CELSR1: variants seen among roughly 807,000 people sequenced by gnomAD.
The protein encoded by CELSR1 is adhesion G protein-coupled receptor C1.
A neutral mutation model predicts 249.1 loss-of-function variants in CELSR1; 110 were observed. The ratio of observed to expected loss-of-function variants is 0.44; its 90% CI spans 0.38 to 0.52. The LOEUF is 0.52. Ranked by LOEUF, CELSR1 falls within the 20% of genes least tolerant of loss-of-function variation. The probability of loss-of-function intolerance (pLI) is 0.00; values close to 1 mark genes in which losing one functional copy is unlikely to be tolerated. For synonymous variants in CELSR1, 2,113 were observed against 1,900.0 expected, an observed-to-expected ratio of 1.11 and a Z score of -2.92; for missense variants, 4,109 against 4,296.4, an observed-to-expected ratio of 0.96 and a Z score of 1.22.
intron 5 of CELSR1, among the ~76,000 whole-genome samples, chr22:46,415,351 T>C (rs1210992608): frequency 6.6e-6 from 1 of 152,122 alleles, no homozygotes; most frequent in Non-Finnish European, 1.5e-5. Context: ...GGTTTCACCA[T>C]GATGGCCAGG....
At chr22:46,439,160 C>A (rs372725590) in intron 3 of CELSR1, 29 bp downstream of exon 3, 3 of 1,592,946 alleles carry the variant, frequency 1.9e-6, no homozygotes, top group African/African-American at 2.7e-5. Context: ...AAAGAGACCC[C>A]CGTGTGGCGC....
Position 46,402,211 on chromosome 22 carries a change from CTCTT to C in CELSR1, c.5227-2313_5227-2310del, listed in dbSNP as rs890720171. Among the ~76,000 whole-genome samples, 2 of 151,688 alleles carry C rather than the reference CTCTT, an allele frequency of 1.3e-5. No individual in the cohort carries two copies. Among genetic ancestry groups the C allele is most frequent in the African/African-American group, 4.8e-5 (2 of 41,318 alleles). On this transcript the variant is annotated intron_variant, in intron 9 of 34. Coordinates refer to ENST00000674500, the MANE Select transcript of CELSR1 (RefSeq NM_001378328.1). This position sits in a 1 kb window ranked among gnomAD's most constrained non-coding sequence, Gnocchi z 5.0. ...ATCCCCATCATCCCCATTCTAGTTTCTCTTTTTCTTTTTTTTTTTTTTGAGACAG... is the reference window on the plus strand; with the variant it reads ...ATCCCCATCATCCCCATTCTAGTTTCTTTCTTTTTTTTTTTTTTGAGACAG...
At position 46,464,279 on chromosome 22, in the gene CELSR1, G is replaced by C. The variant is rs779708806; in HGVS notation, c.3611C>G (p.Thr1204Ser). ...CTCCAGGCGGACAGTGATGCTGTTGGTCAGCATGTCGTCCGTGATGATGGT... is the reference window on the plus strand; with the variant it reads ...CTCCAGGCGGACAGTGATGCTGTTGCTCAGCATGTCGTCCGTGATGATGGT... ...RVTIITDDML[T>S]NSITVRLENM... Residue 1204 changes from threonine to serine, a missense_variant, in exon 2 of 35, where the codon ACC becomes AGC. Thr to Ser is a moderately conservative substitution (Grantham distance 58). This residue lies in a region of CELSR1 where 886 missense variants were observed against 896.5 expected (regional missense o/e 0.99). Transcript: ENST00000674500. This position sits in a 1 kb window ranked among gnomAD's most constrained non-coding sequence, Gnocchi z 8.5. 7 of 1,613,492 alleles carry C rather than the reference G, an allele frequency of 4.3e-6. No homozygotes were observed. In the East Asian group the frequency reaches 1.6e-4, roughly 36 times the overall value.
Position 46,366,429 on chromosome 22 carries a change from T to C in CELSR1, c.8257A>G (p.Thr2753Ala), listed in dbSNP as rs2078782530. Residue 2753 changes from threonine to alanine, a missense_variant, in exon 30 of 35, where the codon ACA (threonine) becomes GCA (alanine). Coordinates refer to ENST00000674500, the MANE Select transcript of CELSR1 (RefSeq NM_001378328.1). ...TFGDGPDMLR[T>A]DLGESTASLD... is the part of the protein sequence containing the mutation. Reference sequence around the variant, plus strand: ...GAGGCGGTGGACTCGCCCAAGTCTGTGCGCAGCATGTCAGGCCCGTCACCG... The same window carrying C: ...GAGGCGGTGGACTCGCCCAAGTCTGCGCGCAGCATGTCAGGCCCGTCACCG... The C allele has an allele frequency of 1.3e-6, 2 of 1,550,044 alleles. No individual in the cohort carries two copies. The highest frequency in any genetic ancestry group is 1.4e-5 in the African/African-American group (1 of 72,850).
Position 46,433,398 on chromosome 22 carries a change from T to C in CELSR1, c.4606A>G (p.Asn1536Asp). ...AGTGGTGGGGCCCATCTTACCTTGT[T>C]GTAGTACTGCACCTGCACAGAGTGC... is the stretch of plus-strand genomic sequence containing the variant. ...RWHSVQVQYYNKPNIGHLGLP... is the reference protein window; with the variant it reads ...RWHSVQVQYYDKPNIGHLGLP... The change falls in exon 5 of 35, where the codon AAC (asparagine) becomes GAC (aspartate). Residue 1536 changes from asparagine to aspartate, a missense_variant. By Grantham distance (23) the Asn-to-Asp change is conservative. Around this residue, in one of 7 missense-constraint regions of CELSR1, gnomAD observed 453 missense variants for 492.0 expected, o/e 0.92. Coordinates refer to ENST00000674500, the MANE Select transcript of CELSR1 (RefSeq NM_001378328.1). The surrounding 1 kb of genome is among the most constrained non-coding windows in gnomAD (Gnocchi z 5.7). 6.2e-7 allele frequency: 1 copy of C among 1,613,310 alleles called. No individual in the cohort carries two copies. The highest frequency in any genetic ancestry group is 8.5e-7 in the Non-Finnish European group (1 of 1,179,526).
chr22:46,479,157 T>C (rs955664188), intron 1 of CELSR1, among the ~76,000 whole-genome samples: 1 of 151,828 alleles, frequency 6.6e-6, no homozygotes, highest in Non-Finnish European at 1.5e-5. Context: ...TGCTCACACC[T>C]GCGGCTGGTG....
At position 46,389,434 on chromosome 22, in the gene CELSR1, C is replaced by A. The variant is rs35091156; in HGVS notation, c.6411G>T (p.Ala2137=). The A allele has an allele frequency of 6.2e-6, 10 of 1,612,738 alleles. No homozygotes were observed. Among genetic ancestry groups the A allele is most frequent in the Non-Finnish European group, 8.5e-6 (10 of 1,180,006 alleles). Reference sequence around the variant, plus strand: ...CCGTGTGCTGTGTAGCACTGCGCAGCGCCCTCACCAGCTGCAGGGCCCTGG... The same window carrying A: ...CCGTGTGCTGTGTAGCACTGCGCAGAGCCCTCACCAGCTGCAGGGCCCTGG... ...DGARALQLVR[A]LRSATQHTGT... Residue 2137 remains alanine (A), a synonymous_variant, in exon 18 of 35, where the codon GCG becomes GCT. Transcript: ENST00000674500.
At position 46,409,723 on chromosome 22, in the gene CELSR1, G is replaced by A. The variant is rs1158353338; in HGVS notation, c.5059+32C>T. 1 of 1,609,644 alleles carries A rather than the reference G, an allele frequency of 6.2e-7. No individual in the cohort carries two copies. Among genetic ancestry groups the A allele is most frequent in the East Asian group, 2.2e-5 (1 of 44,868 alleles). On this transcript the variant is annotated intron_variant, in intron 8 of 34. Coordinates refer to ENST00000674500, the MANE Select transcript of CELSR1 (RefSeq NM_001378328.1). The surrounding 1 kb of genome is among the most constrained non-coding windows in gnomAD (Gnocchi z 9.8). Reference sequence around the variant, plus strand: ...GGAGCAATGCCTCCCAGGCCGCCGTGACCGGGGGGATGGACGACGCCGGCC... The same window carrying A: ...GGAGCAATGCCTCCCAGGCCGCCGTAACCGGGGGGATGGACGACGCCGGCC...
intron 1 of CELSR1, among the ~76,000 whole-genome samples, chr22:46,514,575 G>C (rs765502266): frequency 9.2e-5 from 14 of 152,144 alleles, no homozygotes; most frequent in Admixed American, 2.0e-4. Context: ...ATCACCGCCA[G>C]ACCCTTGCTG....
chr22:46,485,766 C>A (rs1416926899), intron 1 of CELSR1, among the ~76,000 whole-genome samples: 1 of 152,108 alleles, frequency 6.6e-6, no homozygotes, highest in African/African-American at 2.4e-5. Flanking sequence ...GGGAAATGGG[C>A]GCACTGGAGC....
intron 1 of CELSR1, among the ~76,000 whole-genome samples, chr22:46,479,762 T>C (rs2080247873): frequency 1.3e-5 from 2 of 152,168 alleles, no homozygotes; most frequent in Non-Finnish European, 2.9e-5. Context: ...ACAATGAGGT[T>C]GCTATCAAAA....
rs2079617640 is a variant in CELSR1, at chr22:46,433,317, G to T, written c.4611+76C>A. 12 of 1,113,838 alleles carry T rather than the reference G, an allele frequency of 1.1e-5. 1 individual carries two copies. In the South Asian group the frequency reaches 1.5e-4, roughly 14 times the overall value. 69.0% of individuals were successfully genotyped at this position (1,113,838 alleles called of 1,614,324 possible). Reference sequence around the variant, plus strand: ...CTCAAAGTGCTGGGATTACAGGCGTGAGCCACTGCGCCTCGCCCCAGGGCA... The same window carrying T: ...CTCAAAGTGCTGGGATTACAGGCGTTAGCCACTGCGCCTCGCCCCAGGGCA... On this transcript the variant is annotated intron_variant, in intron 5 of 34. Transcript: ENST00000674500. The surrounding 1 kb of genome is among the most constrained non-coding windows in gnomAD (Gnocchi z 5.7).
chr22:46,478,144 G>A (rs775135431), intron 1 of CELSR1, among the ~76,000 whole-genome samples: 11 of 152,182 alleles, frequency 7.2e-5, no homozygotes, highest in East Asian at 1.9e-4. Context: ...GGGAAGCACC[G>A]AGCTCAGGGC....
In CELSR1 at chr22:46,464,472, C is replaced by G. The variant is rs2080074950; in HGVS notation, c.3545-127G>C. 1.1e-6 allele frequency: 1 copy of G among 936,266 alleles called. No homozygotes were observed. Among genetic ancestry groups the G allele is most frequent in the Non-Finnish European group, 1.6e-6 (1 of 636,766 alleles). 58.0% of individuals were successfully genotyped at this position (936,266 alleles called of 1,614,324 possible). A position where few individuals can be genotyped will look rare whatever the true frequency, so the allele number is the denominator to read the frequency against. On this transcript the variant is annotated intron_variant, in intron 1 of 34. Coordinates refer to ENST00000674500, the MANE Select transcript of CELSR1 (RefSeq NM_001378328.1). This position sits in a 1 kb window ranked among gnomAD's most constrained non-coding sequence, Gnocchi z 8.5. ...AAGAGAGCCTGGGCATCCCCACTCC[C>G]CATTCCCCACCCATGACCACCACCT... is the stretch of plus-strand genomic sequence containing the variant.
Position 46,490,535 on chromosome 22 carries a change from C to A in CELSR1, c.3545-26190G>T, listed in dbSNP as rs544337726. Reference sequence around the variant, plus strand: ...CTCCTGACCGCAGGCGAGCCGCCCCCCTCCGCCTCCCAAAATGTTGAGATC... The same window carrying A: ...CTCCTGACCGCAGGCGAGCCGCCCCACTCCGCCTCCCAAAATGTTGAGATC... On this transcript the variant is annotated intron_variant, in intron 1 of 34. Coordinates refer to ENST00000674500, the MANE Select transcript of CELSR1 (RefSeq NM_001378328.1). This position sits in a 1 kb window ranked among gnomAD's most constrained non-coding sequence, Gnocchi z 5.2. Among the ~76,000 whole-genome samples the A allele has an allele frequency of 6.6e-6, 1 of 152,044 alleles. No homozygotes were observed. The highest frequency in any genetic ancestry group is 6.6e-5 in the Admixed American group (1 of 15,262).
chr22:46,536,751 C>A lies in CELSR1; in HGVS notation c.420G>T (p.Ala140=). 1 of 1,181,406 alleles carries A rather than the reference C, an allele frequency of 8.5e-7. No homozygotes were observed. Among genetic ancestry groups the A allele is most frequent in the African/African-American group, 1.6e-5 (1 of 61,726 alleles). The allele number at this position is 1,181,406 out of a possible 1,614,324, so 73.2% of individuals were successfully genotyped here. The part of the protein sequence containing the change: ...ALCFPVPGGC[A]AAQHSALAAP... ...CTGCGAGCGCCGAATGCTGCGCGGC[C>A]GCGCAGCCGCCGGGGACGGGGAAGC... The change falls in exon 1 of 35, where the codon GCG becomes GCT. Residue 140 remains alanine (A), a synonymous_variant. Transcript: ENST00000674500.
intron 2 of CELSR1, among the ~76,000 whole-genome samples, chr22:46,461,944 G>A (rs2080033327): frequency 6.6e-6 from 1 of 152,250 alleles, no homozygotes; most frequent in African/African-American, 2.4e-5. Flanking sequence ...GCCGTGAGGG[G>A]CAAAGGGGAG....
chr22:46,386,260 G>A (rs2079032264), intron 19 of CELSR1, 142 bp downstream of exon 19: 1 of 946,172 alleles, frequency 1.1e-6, no homozygotes, highest in Non-Finnish European at 1.5e-6. Context: ...ATGAGCCACT[G>A]TGCCCGGCCT....
In CELSR1 at chr22:46,462,256, G is replaced by T. The variant is rs1602170491; in HGVS notation, c.4183+1451C>A. ...ACTAGCAGGCGTGGGAACACCACGG[G>T]GCAGGTGACCACACTGCCTTCCTTC... On this transcript the variant is annotated intron_variant, in intron 2 of 34. Coordinates refer to ENST00000674500, the MANE Select transcript of CELSR1 (RefSeq NM_001378328.1). 4.6e-5 allele frequency among the ~76,000 whole-genome samples: 7 copies of T among 152,212 alleles called. No individual in the cohort carries two copies. In the South Asian group the frequency reaches 1.4e-3, roughly 32 times the overall value.
Sources: gnomAD v4.1 joint callset for allele counts (sites outside exome capture counted in the v4.1 genomes callset) on GRCh38, gnomAD v4.1.1 for gene constraint, gnomAD v4.1.1 regional missense constraint, Gnocchi (gnomAD v3.1) non-coding constraint, MANE v1.5 for transcripts, NCBI Gene and HGNC (gene_info 2026-07-23, HGNC 2026-07-21) for gene names.